Variants in SAMMSON observed in about 807,000 individuals in gnomAD.
SAMMSON encodes long intergenic non-protein coding RNA 1212.
chr3:70,095,442 G>A (rs888481708), intron 4 of SAMMSON, among the ~76,000 whole-genome samples: 2 of 152,178 alleles, frequency 1.3e-5, no homozygotes, highest in African/African-American at 4.8e-5. Context: ...GTGCCTGACA[G>A]GCTCCTAAGA....
intron 2 of SAMMSON, among the ~76,000 whole-genome samples, chr3:70,401,110 T>C (rs945540605): frequency 6.6e-6 from 1 of 152,232 alleles, no homozygotes; most frequent in Non-Finnish European, 1.5e-5. Context: ...TTTTCCTTTT[T>C]CATTTCCTTC....
chr3:70,143,868 T>G (rs2067537769), intron 4 of SAMMSON, among the ~76,000 whole-genome samples: 1 of 152,160 alleles, frequency 6.6e-6, no homozygotes, highest in Non-Finnish European at 1.5e-5. Context: ...TCTGCTGTCC[T>G]GCCAGGACAG....
chr3:70,373,620 T>C (rs1702988568), intron 9 of SAMMSON, among the ~76,000 whole-genome samples: 1 of 152,182 alleles, frequency 6.6e-6, no homozygotes. Flanking sequence ...CTCATTATGG[T>C]CCAGTACATT....
intron 4 of SAMMSON, among the ~76,000 whole-genome samples, chr3:70,231,924 A>G (rs1026421105): frequency 2.0e-5 from 3 of 152,136 alleles, no homozygotes; most frequent in Non-Finnish European, 2.9e-5. Context: ...AGCTGATGCT[A>G]CACCAAATAA....
intron 4 of SAMMSON, among the ~76,000 whole-genome samples, chr3:70,162,706 G>T (rs1175416067): frequency 6.6e-6 from 1 of 151,876 alleles, no homozygotes; most frequent in East Asian, 1.9e-4. Context: ...ATGTCTAATT[G>T]TTCTATCAGT....
At chr3:70,238,543 T>G (rs1559542282) in intron 4 of SAMMSON, among the ~76,000 whole-genome samples, 1 of 151,660 alleles carries the variant, frequency 6.6e-6, no homozygotes, top group Non-Finnish European at 1.5e-5. Context: ...GCCTGGGTGG[T>G]GAAGGCTGCA....
intron 7 of SAMMSON, among the ~76,000 whole-genome samples, chr3:70,321,752 T>C (rs1702540376): frequency 6.6e-6 from 1 of 152,046 alleles, no homozygotes; most frequent in African/African-American, 2.4e-5. Context: ...AGAGTTTTTT[T>C]AGTATTTGAT....
chr3:70,391,747 T>C (rs997039621), downstream of SAMMSON, among the ~76,000 whole-genome samples: 1 of 152,146 alleles, frequency 6.6e-6, no homozygotes, highest in Non-Finnish European at 1.5e-5. Flanking sequence ...AATGCATCTG[T>C]TGAAAAAGAA....
chr3:70,402,916 A>G (rs946624494), intron 2 of SAMMSON, among the ~76,000 whole-genome samples: 2 of 152,056 alleles, frequency 1.3e-5, no homozygotes, highest in Non-Finnish European at 2.9e-5. Flanking sequence ...TACCATTTAT[A>G]TACCACATAT....
intron 3 of SAMMSON, among the ~76,000 whole-genome samples, chr3:70,059,624 G>A (rs2067180308): frequency 1.3e-5 from 2 of 152,098 alleles, no homozygotes; most frequent in Admixed American, 1.3e-4. Flanking sequence ...GGCCCTCAGT[G>A]GATTGGATGA....
intron 4 of SAMMSON, among the ~76,000 whole-genome samples, chr3:70,226,157 C>T (rs1434560163): frequency 6.6e-6 from 1 of 152,184 alleles, no homozygotes; most frequent in Non-Finnish European, 1.5e-5. Context: ...GGACAGTAAT[C>T]AGCATTTCCT....
chr3:70,408,119 C>A (rs576585480), intron 2 of SAMMSON, among the ~76,000 whole-genome samples: 1 of 152,314 alleles, frequency 6.6e-6, no homozygotes, highest in African/African-American at 2.4e-5. Flanking sequence ...CACATGGCAC[C>A]AAGTCCCTAG....
At chr3:70,289,712 T>G (rs1440431818) in intron 6 of SAMMSON, among the ~76,000 whole-genome samples, 2 of 152,208 alleles carry the variant, frequency 1.3e-5, no homozygotes, top group Admixed American at 1.3e-4. Context: ...AGACCTAGAT[T>G]TGGTCTTTTC....
intron 7 of SAMMSON, among the ~76,000 whole-genome samples, chr3:70,335,305 A>G (rs1196351308): frequency 1.3e-5 from 2 of 152,070 alleles, no homozygotes; most frequent in Non-Finnish European, 1.5e-5. Flanking sequence ...CTGTATGGCT[A>G]GCCCTTAGAT....
intron 4 of SAMMSON, among the ~76,000 whole-genome samples, chr3:70,171,976 A>G (rs76438829): frequency 0.067 from 10,229 of 151,950 alleles, 531 homozygotes; most frequent in Admixed American, 0.13. Flanking sequence ...GTGATTTGAA[A>G]AGTAAGCAGT....
intron 6 of SAMMSON, among the ~76,000 whole-genome samples, chr3:70,270,820 T>A (rs1575611580): frequency 6.6e-6 from 1 of 151,808 alleles, no homozygotes; most frequent in East Asian, 1.9e-4. Context: ...CACTCATAAG[T>A]GGGAGTTGAG....
chr3:70,403,320 GGGATAGGGGCCAAAACAAATTT>G (rs1364389226), intron 2 of SAMMSON, among the ~76,000 whole-genome samples: 5 of 152,112 alleles, frequency 3.3e-5, no homozygotes, highest in Non-Finnish European at 7.4e-5. Context: ...CCAAAGCCAG[GGGATAGGGGCCAAAACAAATTT>G]GGAAACAGGC....
intron 4 of SAMMSON, among the ~76,000 whole-genome samples, chr3:70,186,422 T>A (rs1399047471): frequency 6.6e-6 from 1 of 152,074 alleles, no homozygotes; most frequent in East Asian, 1.9e-4. Flanking sequence ...CATGCCTGGC[T>A]AATTTTTATT....
chr3:70,255,019 C>T (rs1259840095), intron 6 of SAMMSON, among the ~76,000 whole-genome samples: 1 of 151,882 alleles, frequency 6.6e-6, no homozygotes, highest in Non-Finnish European at 1.5e-5. Flanking sequence ...TATAATTTTA[C>T]AACAATACTT....
Sources: gnomAD v4.1 joint callset for allele counts (sites outside exome capture counted in the v4.1 genomes callset) on GRCh38, gnomAD v4.1.1 for gene constraint, MANE v1.5 for transcripts, NCBI Gene and HGNC (gene_info 2026-07-23, HGNC 2026-07-21) for gene names.